MYO5B: variants seen among roughly 807,000 people sequenced by gnomAD.
MYO5B encodes the protein unconventional myosin-Vb.
Under a neutral mutation model 229.3 loss-of-function variants are expected in MYO5B, and 143 were observed. The observed-to-expected ratio is 0.62, with a 90% CI of 0.54 to 0.72. The LOEUF (loss-of-function observed/expected upper bound fraction) is 0.72, where lower values mean the gene tolerates loss of function less well. Ranked by LOEUF, MYO5B falls within the 30% of genes least tolerant of loss-of-function variation. The pLI, the probability that MYO5B is intolerant of heterozygous loss-of-function variation, is 0.00. For synonymous variants in MYO5B, 918 were observed against 885.2 expected (o/e 1.04, Z -0.66); for missense variants, 2,321 against 2,331.0 (o/e 1.00, Z 0.09).
At chr18:49,850,477 TG>T (rs2024186715) in intron 31 of MYO5B, 1 of 152,364 alleles carries the variant, frequency 6.6e-6, no homozygotes, top group Non-Finnish European at 1.5e-5. Context: ...TTATAGATGT[TG>T]TTAGGAACTT....
At chr18:49,930,195 T>C (rs1213043343) in intron 16 of MYO5B, among the ~76,000 whole-genome samples, 1 of 152,178 alleles carries the variant, frequency 6.6e-6, no homozygotes, top group African/African-American at 2.4e-5. Context: ...GAAGCTTAAA[T>C]GTAATGGTCC....
At chr18:49,942,463 C>G (rs2025327257) in intron 14 of MYO5B, among the ~76,000 whole-genome samples, 1 of 149,510 alleles carries the variant, frequency 6.7e-6, no homozygotes, top group Non-Finnish European at 1.5e-5. Flanking sequence ...GCAATCTACT[C>G]ATCTGACAAA....
At chr18:50,193,894 TTTAACC>T (rs1188154172) in intron 1 of MYO5B, among the ~76,000 whole-genome samples, 2 of 152,206 alleles carry the variant, frequency 1.3e-5, no homozygotes, top group African/African-American at 4.8e-5. Flanking sequence ...TGTCCCTAAC[TTTAACC>T]ACAGCAACTG....
chr18:50,135,427 T>C (rs2144277626), intron 1 of MYO5B, among the ~76,000 whole-genome samples: 1 of 152,318 alleles, frequency 6.6e-6, no homozygotes, highest in South Asian at 2.1e-4. Flanking sequence ...ATCATATTCG[T>C]CTTTGCCAGA....
intron 22 of MYO5B, among the ~76,000 whole-genome samples, chr18:49,893,201 A>G (rs1787560): frequency 0.6 from 90,923 of 152,000 alleles, 27,228 homozygotes; most frequent in Middle Eastern, 0.67. Context: ...ATCTGTTGGG[A>G]CAGAGATAGG....
At chr18:50,000,375 A>G (rs1362003494) in intron 5 of MYO5B, among the ~76,000 whole-genome samples, 3 of 152,206 alleles carry the variant, frequency 2.0e-5, no homozygotes, top group Non-Finnish European at 4.4e-5. Context: ...GATGGACTAG[A>G]TGACATAAAA....
chr18:49,889,376 A>C (rs1431659876), intron 22 of MYO5B, among the ~76,000 whole-genome samples: 2 of 152,230 alleles, frequency 1.3e-5, no homozygotes, highest in Non-Finnish European at 2.9e-5. Context: ...ATCAAACTGA[A>C]AACAACCCAA....
At chr18:49,874,357 C>T (rs1045149420) in intron 26 of MYO5B, among the ~76,000 whole-genome samples, 1 of 152,238 alleles carries the variant, frequency 6.6e-6, no homozygotes, top group African/African-American at 2.4e-5. Context: ...AGGCCAAGAA[C>T]TTGTACATCA....
chr18:50,124,561 C>T (rs1334715481), intron 1 of MYO5B, among the ~76,000 whole-genome samples: 2 of 152,088 alleles, frequency 1.3e-5, no homozygotes, highest in Non-Finnish European at 2.9e-5. Flanking sequence ...CAACAAAAAA[C>T]TTTTGAAGAA....
At chr18:50,002,841 C>T (rs1392096851) in intron 4 of MYO5B, among the ~76,000 whole-genome samples, 2 of 152,134 alleles carry the variant, frequency 1.3e-5, no homozygotes, top group African/African-American at 4.8e-5. Flanking sequence ...CCCCTGTCAC[C>T]AGCCTGGCCC....
chr18:49,879,109 AG>A lies in MYO5B; in HGVS notation c.3131-20del. ...AATTCATCTGGAAAGCAACACGCTA[AG>A]CTGCAGTTTTTCTGGATGGATTCCC... On this transcript the variant is annotated intron_variant, in intron 23 of 39. Transcript: ENST00000285039. 6.2e-7 allele frequency: 1 copy of A among 1,614,108 alleles called. No individual in the cohort carries two copies. Among genetic ancestry groups the A allele is most frequent in the Non-Finnish European group, 8.5e-7 (1 of 1,179,998 alleles).
chr18:49,888,424 A>T (rs919384820), intron 22 of MYO5B, among the ~76,000 whole-genome samples: 1 of 152,190 alleles, frequency 6.6e-6, no homozygotes, highest in Non-Finnish European at 1.5e-5. Flanking sequence ...GGTGGGGGTC[A>T]TCTGGATTAG....
intron 14 of MYO5B, among the ~76,000 whole-genome samples, chr18:49,942,989 G>C (rs899282124): frequency 1.3e-5 from 2 of 152,046 alleles, no homozygotes; most frequent in African/African-American, 4.8e-5. Context: ...TGATAGACTG[G>C]ATTAAGAAAA....
Position 49,872,199 on chromosome 18 carries a change from G to A in MYO5B, c.3571C>T (p.Pro1191Ser), listed in dbSNP as rs2024463153. The change falls in exon 27 of 40, where the codon CCG becomes TCG. Residue 1191 changes from proline (P) to serine (S), a missense_variant. By Grantham distance (74) the Pro-to-Ser change is moderately conservative (BLOSUM62 -1). Coordinates refer to ENST00000285039, the MANE Select transcript of MYO5B (RefSeq NM_001080467.3). ...EPPQTDIDLD[P>S]NADLAYNSLK... is the part of the protein sequence containing the mutation. ...CTATTGTAGGCCAGATCTGCATTCGGGTCCAAATCTATGTCAGTCTGTGGT... is the reference window on the plus strand; with the variant it reads ...CTATTGTAGGCCAGATCTGCATTCGAGTCCAAATCTATGTCAGTCTGTGGT... 3.1e-6 allele frequency: 5 copies of A among 1,613,940 alleles called. No homozygotes were observed. In the East Asian group the frequency reaches 1.1e-4, roughly 36 times the overall value.
At chr18:49,861,857 A>T (rs1387465560) in intron 29 of MYO5B, among the ~76,000 whole-genome samples, 2 of 152,348 alleles carry the variant, frequency 1.3e-5, no homozygotes, top group South Asian at 4.1e-4. Flanking sequence ...AAAAAAACTT[A>T]AAGTGGCACT....
At chr18:49,986,785 C>T (rs2025874951) in intron 7 of MYO5B, among the ~76,000 whole-genome samples, 1 of 152,152 alleles carries the variant, frequency 6.6e-6, no homozygotes, top group Non-Finnish European at 1.5e-5. Context: ...CCAAAGAAGA[C>T]TGTCTATATT....
At chr18:49,861,060 C>T (rs1391214664) in intron 29 of MYO5B, among the ~76,000 whole-genome samples, 3 of 152,214 alleles carry the variant, frequency 2.0e-5, no homozygotes, top group Non-Finnish European at 4.4e-5. Flanking sequence ...ACCATGGCCA[C>T]TTCCACAGCA....
intron 30 of MYO5B, among the ~76,000 whole-genome samples, chr18:49,854,091 C>A (rs933038727): frequency 6.6e-6 from 1 of 152,242 alleles, no homozygotes; most frequent in African/African-American, 2.4e-5. Context: ...ATATTATTCA[C>A]ATATTTTCCC....
intron 1 of MYO5B, among the ~76,000 whole-genome samples, chr18:50,076,947 T>C (rs1210156276): frequency 1.4e-5 from 2 of 146,640 alleles, no homozygotes; most frequent in African/African-American, 5.0e-5. Context: ...AAAAATCCAA[T>C]AGTATAAAAT....
Sources: gnomAD v4.1 joint callset for allele counts (sites outside exome capture counted in the v4.1 genomes callset) on GRCh38, gnomAD v4.1.1 for gene constraint, MANE v1.5 for transcripts, NCBI Gene and HGNC (gene_info 2026-07-23, HGNC 2026-07-21) for gene names.